ERMAP: variants seen among roughly 807,000 people sequenced by gnomAD.
ERMAP encodes erythroblast membrane associated protein (Scianna blood group).
ERMAP carries 34 observed loss-of-function variants against 49.5 expected under a neutral mutation model. The ratio of observed to expected loss-of-function variants is 0.69; its 90% CI spans 0.52 to 0.91. ERMAP has a LOEUF of 0.91. ERMAP is among the 40% of genes least tolerant of loss of function. The pLI is 0.00. For missense variants in ERMAP, 541 were observed against 582.6 expected (o/e 0.93, Z 0.74); for synonymous variants, 214 against 232.2 (o/e 0.92, Z 0.71).
Position 42,844,038 on chromosome 1 carries a change from C to G in ERMAP, c.*806C>G, listed in dbSNP as rs1283146698. On this transcript the variant is annotated 3_prime_UTR_variant, in exon 12 of 12. Transcript: ENST00000372517. This position sits in a 1 kb window ranked among gnomAD's most constrained non-coding sequence, Gnocchi z 4.0. ...GCTCAGTCTGTTGAGTCTGTTGTGA[C>G]TGTCTTATGAATCAATCTGTTGTGC... 1.0e-5 allele frequency: 4 copies of G among 398,488 alleles called. No homozygotes were observed. The highest frequency in any genetic ancestry group is 1.8e-5 in the Non-Finnish European group (4 of 226,062). The allele number at this position is 398,488 out of a possible 1,614,324, so 24.7% of individuals were successfully genotyped here.
rs775720525 is a variant in ERMAP at position 42,843,144 on chromosome 1, C to G, written c.1340C>G (p.Pro447Arg). ...AAGGTGAACTCTTCTTTACTACCCC[C>G]GAAGGCCCCAGAGCTGAAGGATATA... ...SLKVNSSLLP[P>R]KAPELKDIIL... The change falls in exon 12 of 12, where the codon CCG (proline) becomes CGG (arginine). Residue 447 changes from proline (P) to arginine (R), a missense_variant. Transcript: ENST00000372517. 2.5e-6 allele frequency: 4 copies of G among 1,614,046 alleles called. No homozygotes were observed. The East Asian group carries it at 8.9e-5, about 36-fold the overall frequency.
In ERMAP at chr1:42,843,278, C is replaced by A; in HGVS notation, c.*46C>A. On this transcript the variant is annotated 3_prime_UTR_variant, in exon 12 of 12. Coordinates refer to ENST00000372517, the MANE Select transcript of ERMAP (RefSeq NM_001017922.2). Reference sequence around the variant, plus strand: ...TCCCATCACCATCCAGCCCAGCACCCTGGACTTCAGTCGCCTGGCCCAACC... The same window carrying A: ...TCCCATCACCATCCAGCCCAGCACCATGGACTTCAGTCGCCTGGCCCAACC... The A allele has an allele frequency of 1.4e-6, 2 of 1,434,364 alleles. No homozygotes were observed. The highest frequency in any genetic ancestry group is 2.3e-5 in the Admixed American group (1 of 43,008). The allele number at this position is 1,434,364 out of a possible 1,614,324, so 88.9% of individuals were successfully genotyped here.
In ERMAP at chr1:42,832,179, ATTTTTTTTTTT is replaced by A. The variant is rs75673269; in HGVS notation, c.433+1083_433+1093del. On this transcript the variant is annotated intron_variant, in intron 4 of 11. Coordinates refer to ENST00000372517, the MANE Select transcript of ERMAP (RefSeq NM_001017922.2). ...TTGGAGTCCTTTGGGGTGAAAATTA[ATTTTTTTTTTT>A]TTTTTTTTTTTTTTTTTTGAGATGG... is the stretch of plus-strand genomic sequence containing the variant. Among the ~76,000 whole-genome samples the A allele has an allele frequency of 4.4e-3, 426 of 96,756 alleles. 3 individuals are homozygous for A. The highest frequency in any genetic ancestry group is 0.018 in the Middle Eastern group (3 of 168). 63.5% of individuals were successfully genotyped at this position (96,756 alleles called of 152,430 possible).
intron 6 of ERMAP, 194 bp from the exon 7 acceptor site, chr1:42,836,964 G>T (rs929883344): frequency 1.7e-5 from 10 of 577,064 alleles, no homozygotes; most frequent in African/African-American, 1.1e-4. Flanking sequence ...AGACCAGAGG[G>T]ATTAAGACAG....
At chr1:42,817,282 A>T (rs989877919) in intron 1 of ERMAP, 29 bp downstream of exon 1, 1 of 1,221,350 alleles carries the variant, frequency 8.2e-7, no homozygotes, top group Non-Finnish European at 1.1e-6. Flanking sequence ...CGACCACTGG[A>T]CCCAGCGCTG....
chr1:42,818,533 G>A (rs1654310998), intron 1 of ERMAP, among the ~76,000 whole-genome samples: 1 of 152,198 alleles, frequency 6.6e-6, no homozygotes, highest in South Asian at 2.1e-4. Flanking sequence ...CTGGAGTGCA[G>A]TGGTGTGATC....
At position 42,830,755 on chromosome 1, in the gene ERMAP, T is replaced by C; in HGVS notation, c.86-13T>C. ...CGTCCCTCCCAGTTGGCCTTGTCTCTTTTTTTGTCCAGGCCACGCAGGGGA... is the reference window on the plus strand; with the variant it reads ...CGTCCCTCCCAGTTGGCCTTGTCTCCTTTTTTGTCCAGGCCACGCAGGGGA... On this transcript the variant is annotated splice_polypyrimidine_tract_variant and intron_variant, in intron 3 of 11. Coordinates refer to ENST00000372517, the MANE Select transcript of ERMAP (RefSeq NM_001017922.2). The C allele has an allele frequency of 6.6e-7, 1 of 1,515,682 alleles. No individual in the cohort carries two copies. The highest frequency in any genetic ancestry group is 8.8e-7 in the Non-Finnish European group (1 of 1,131,640). The allele number at this position is 1,515,682 out of a possible 1,614,324, so 93.9% of individuals were successfully genotyped here.
At chr1:42,838,984 G>A (rs1231570019) in intron 8 of ERMAP, 63 bp downstream of exon 8, 6 of 1,613,576 alleles carry the variant, frequency 3.7e-6, no homozygotes, top group Non-Finnish European at 4.2e-6. Context: ...TTTGGGATGA[G>A]CATCTCAGTT....
At position 42,819,253 on chromosome 1, in the gene ERMAP, G is replaced by C. The variant is rs372812137; in HGVS notation, c.-122+2000G>C. Among the ~76,000 whole-genome samples the C allele has an allele frequency of 4.0e-5, 6 of 150,832 alleles. No homozygotes were observed. The highest frequency in any genetic ancestry group is 7.3e-5 in the African/African-American group (3 of 41,334). ...CGAGAGAGAGAAAGAGCTAGATTAC[G>C]CTTCAAGTGGCAATAGGCAAGAAGA... On this transcript the variant is annotated intron_variant, in intron 1 of 11. Transcript: ENST00000372517. This position sits in a 1 kb window ranked among gnomAD's most constrained non-coding sequence, Gnocchi z 5.1.
In ERMAP at chr1:42,819,228, CGAGA is replaced by C. The variant is rs1216081151; in HGVS notation, c.-122+1982_-122+1985del. 2.0e-5 allele frequency among the ~76,000 whole-genome samples: 3 copies of C among 146,368 alleles called. No individual in the cohort carries two copies. Among genetic ancestry groups the C allele is most frequent in the Non-Finnish European group, 4.5e-5 (3 of 66,268 alleles). ...GTGTGCGCGCGCGCAAGAGAGGGAC[CGAGA>C]GAGAGAAAGAGCTAGATTACGCTTC... is the stretch of plus-strand genomic sequence containing the variant. On this transcript the variant is annotated intron_variant, in intron 1 of 11. Coordinates refer to ENST00000372517, the MANE Select transcript of ERMAP (RefSeq NM_001017922.2). The surrounding 1 kb of genome is among the most constrained non-coding windows in gnomAD (Gnocchi z 5.1).
intron 8 of ERMAP, 196 bp downstream of exon 8, chr1:42,839,117 A>T: frequency 7.9e-6 from 6 of 764,194 alleles, no homozygotes; most frequent in Non-Finnish European, 1.1e-5. Flanking sequence ...CACAACTATT[A>T]TTTAGTCTTT....
intron 1 of ERMAP, among the ~76,000 whole-genome samples, chr1:42,823,582 T>C (rs1654456193): frequency 6.6e-6 from 1 of 152,206 alleles, no homozygotes. Flanking sequence ...AATACCCAAG[T>C]CTGAATAATT....
intron 2 of ERMAP, among the ~76,000 whole-genome samples, chr1:42,827,770 C>T (rs1654596567): frequency 6.6e-6 from 1 of 152,180 alleles, no homozygotes; most frequent in Non-Finnish European, 1.5e-5. Flanking sequence ...TTTTATAACT[C>T]ATGATACAGG....
At chr1:42,839,888 G>A in intron 8 of ERMAP, 145 bp from the exon 9 acceptor site, 1 of 800,174 alleles carries the variant, frequency 1.2e-6, no homozygotes. Context: ...GGGATCTACT[G>A]CTCTTGCAAA....
Position 42,842,796 on chromosome 1 carries a change from T to C in ERMAP, c.992T>C (p.Leu331Pro). The C allele has an allele frequency of 6.2e-7, 1 of 1,614,170 alleles. No individual in the cohort carries two copies. The highest frequency in any genetic ancestry group is 8.5e-7 in the Non-Finnish European group (1 of 1,180,018). The change falls in exon 12 of 12, where the codon CTG becomes CCG. Residue 331 changes from leucine (L) to proline (P), a missense_variant. Coordinates refer to ENST00000372517, the MANE Select transcript of ERMAP (RefSeq NM_001017922.2). ...TCACCTGCCAATGGACACTGGCTTCTGCGACAGAGTCGTGGGAATGAGTAT... is the reference window on the plus strand; with the variant it reads ...TCACCTGCCAATGGACACTGGCTTCCGCGACAGAGTCGTGGGAATGAGTAT... Reference protein sequence around the residue: ...TASPANGHWLLRQSRGNEYEA... With the variant: ...TASPANGHWLPRQSRGNEYEA...
In ERMAP at chr1:42,843,014, A is replaced by G. The variant is rs781024053; in HGVS notation, c.1210A>G (p.Lys404Glu). 91 of 1,614,060 alleles carry G rather than the reference A, an allele frequency of 5.6e-5. No individual in the cohort carries two copies. Among genetic ancestry groups the G allele is most frequent in the Non-Finnish European group, 7.2e-5 (85 of 1,180,038 alleles). Residue 404 changes from lysine (K) to glutamate (E), a missense_variant, in exon 12 of 12, where the codon AAA (lysine) becomes GAA (glutamate). Lys to Glu is a moderately conservative substitution (Grantham distance 56). Coordinates refer to ENST00000372517, the MANE Select transcript of ERMAP (RefSeq NM_001017922.2). ...TGAACCTTGCCTTCATGATGGAGGA[A>G]AAAACACAGCACCTCTAGTCATTTG... is the stretch of plus-strand genomic sequence containing the variant. ...FFEPCLHDGG[K>E]NTAPLVICSE... is the part of the protein sequence containing the mutation.
intron 2 of ERMAP, among the ~76,000 whole-genome samples, chr1:42,828,858 A>C (rs1481665214): frequency 1.3e-5 from 2 of 152,082 alleles, no homozygotes; most frequent in Admixed American, 6.5e-5. Context: ...GGGTCCATAG[A>C]GGTCTCCTTC....
At chr1:42,831,295 C>T (rs1335390966) in intron 4 of ERMAP, among the ~76,000 whole-genome samples, 180 bp downstream of exon 4, 2 of 152,194 alleles carry the variant, frequency 1.3e-5, no homozygotes, top group Non-Finnish European at 2.9e-5. Context: ...GTGAAGCTGG[C>T]CTAGGCATTT....
chr1:42,831,283 C>T lies in ERMAP; in HGVS notation c.433+168C>T, dbSNP rs79920191. On this transcript the variant is annotated intron_variant, in intron 4 of 11. Coordinates refer to ENST00000372517, the MANE Select transcript of ERMAP (RefSeq NM_001017922.2). ...CCATGTCCATTGATCTCAGCTGAGG[C>T]TGTGAAGCTGGCCTAGGCATTTCTG... Among the ~76,000 whole-genome samples the T allele has an allele frequency of 6.7e-3, 1,025 of 152,280 alleles. 15 individuals carry two copies. The highest frequency in any genetic ancestry group is 0.024 in the African/African-American group (983 of 41,528).
Sources: gnomAD v4.1 joint callset for allele counts (sites outside exome capture counted in the v4.1 genomes callset) on GRCh38, gnomAD v4.1.1 for gene constraint, Gnocchi (gnomAD v3.1) non-coding constraint, MANE v1.5 for transcripts, NCBI Gene and HGNC (gene_info 2026-07-23, HGNC 2026-07-21) for gene names.